Variants in SAMD3 observed in about 807,000 individuals in gnomAD.
The protein encoded by SAMD3 is sterile alpha motif domain-containing protein 3.
In SAMD3, 63 loss-of-function variants were observed where a neutral mutation model predicts 58.5. The ratio of observed to expected loss-of-function variants is 1.08; its 90% CI spans 0.88 to 1.33. The LOEUF is 1.33. SAMD3 is among the 40% of genes most tolerant of loss of function. The pLI, the probability that SAMD3 is intolerant of heterozygous loss-of-function variation, is 0.00. For missense variants in SAMD3, 604 were observed against 608.4 expected, an observed-to-expected ratio of 0.99 and a Z score of 0.08; for synonymous variants, 220 against 210.3, an observed-to-expected ratio of 1.05 and a Z score of -0.40.
intron 8 of SAMD3, among the ~76,000 whole-genome samples, chr6:130,166,274 C>T (rs969437995): frequency 1.3e-5 from 2 of 152,158 alleles, no homozygotes; most frequent in Admixed American, 1.3e-4. Flanking sequence ...TGAGGGACTT[C>T]CCTGACACAG....
At chr6:130,239,970 G>C (rs1773299101) in intron 2 of SAMD3, among the ~76,000 whole-genome samples, 1 of 152,128 alleles carries the variant, frequency 6.6e-6, no homozygotes, top group African/African-American at 2.4e-5. Context: ...TCACATTGCT[G>C]GGCAGCCAAT....
chr6:130,212,451 A>T (rs951225584), intron 4 of SAMD3, among the ~76,000 whole-genome samples: 1 of 152,144 alleles, frequency 6.6e-6, no homozygotes, highest in Non-Finnish European at 1.5e-5. Flanking sequence ...AAACTAGTTA[A>T]CCCAGTTAAC....
chr6:130,246,599 T>C (rs1773554853), intron 2 of SAMD3, among the ~76,000 whole-genome samples: 1 of 152,046 alleles, frequency 6.6e-6, no homozygotes, highest in African/African-American at 2.4e-5. Flanking sequence ...GGAAAGAGCA[T>C]ATACAAATGC....
At chr6:130,194,349 C>T (rs61201007) in intron 5 of SAMD3, among the ~76,000 whole-genome samples, 60,607 of 152,124 alleles carry the variant, frequency 0.4, 12,924 homozygotes, top group African/African-American at 0.5. Context: ...GGTCAAAAGG[C>T]TGTCTTATTC....
intron 9 of SAMD3, among the ~76,000 whole-genome samples, chr6:130,154,200 G>A (rs1789515114): frequency 6.8e-6 from 1 of 147,730 alleles, no homozygotes; most frequent in Non-Finnish European, 1.5e-5. Flanking sequence ...TCTGAAGGCA[G>A]CTGGTGCCTA....
intron 2 of SAMD3, among the ~76,000 whole-genome samples, chr6:130,271,166 G>T (rs1343366012): frequency 6.6e-6 from 1 of 151,722 alleles, no homozygotes; most frequent in Non-Finnish European, 1.5e-5. Flanking sequence ...TACTTGGCTG[G>T]TTTTTGGATT....
At chr6:130,168,495 A>G (rs1400335762) in intron 8 of SAMD3, among the ~76,000 whole-genome samples, 1 of 152,146 alleles carries the variant, frequency 6.6e-6, no homozygotes, top group African/African-American at 2.4e-5. Flanking sequence ...TCTACCTTCA[A>G]TTCTTTGGTA....
intron 2 of SAMD3, among the ~76,000 whole-genome samples, chr6:130,293,504 G>A (rs1775452928): frequency 6.6e-6 from 1 of 151,780 alleles, no homozygotes; most frequent in South Asian, 2.1e-4. Context: ...CTCTTACACA[G>A]ATTACCACCT....
chr6:130,356,122 A>G (rs534695629), intron 1 of SAMD3, among the ~76,000 whole-genome samples: 3 of 152,272 alleles, frequency 2.0e-5, no homozygotes, highest in Non-Finnish European at 2.9e-5. Flanking sequence ...TCACTGTTTT[A>G]AAGTCTTCGT....
chr6:130,328,255 A>T (rs1356192348), intron 1 of SAMD3, among the ~76,000 whole-genome samples: 2 of 152,172 alleles, frequency 1.3e-5, no homozygotes, highest in Admixed American at 6.5e-5. Context: ...GACCTGCTGG[A>T]CCTGGAGCTA....
chr6:130,154,609 G>A (rs1245638529), intron 9 of SAMD3, among the ~76,000 whole-genome samples: 33 of 149,292 alleles, frequency 2.2e-4, no homozygotes, highest in Admixed American at 1.3e-3. Context: ...CAGGAGATTC[G>A]CTTGAACCTG....
rs781612989 is a variant in SAMD3, at chr6:130,168,066, G to GC, written c.822+7774dup. ...GTGGAGGGTTAGGGACAAAAGATCT[G>GC]CCCCCTCTGCTCAGACCTGCAGAAG... On this transcript the variant is annotated intron_variant, in intron 8 of 11. Transcript: ENST00000439090. 3.3e-4 allele frequency among the ~76,000 whole-genome samples: 50 copies of GC among 152,124 alleles called. 1 individual carries two copies. The highest frequency in any genetic ancestry group is 6.2e-4 in the Non-Finnish European group (42 of 68,018).
intron 1 of SAMD3, among the ~76,000 whole-genome samples, chr6:130,354,071 C>G (rs1039801934): frequency 6.6e-6 from 1 of 152,034 alleles, no homozygotes; most frequent in Admixed American, 6.6e-5. Context: ...CATATGAAAA[C>G]AAGCTCAACA....
chr6:130,210,206 T>G (rs1479948723), intron 4 of SAMD3, among the ~76,000 whole-genome samples: 3 of 152,222 alleles, frequency 2.0e-5, no homozygotes, highest in African/African-American at 7.2e-5. Context: ...AAAAAGCAAC[T>G]GCAAATATGC....
chr6:130,223,252 G>T (rs944963342), upstream of SAMD3, among the ~76,000 whole-genome samples: 3 of 152,158 alleles, frequency 2.0e-5, no homozygotes, highest in Admixed American at 6.5e-5. Flanking sequence ...AGGACTCAAA[G>T]CTTTGCATCT....
chr6:130,302,703 C>T (rs1002131998), intron 2 of SAMD3, among the ~76,000 whole-genome samples: 1 of 152,072 alleles, frequency 6.6e-6, no homozygotes, highest in Admixed American at 6.5e-5. Context: ...GTGGGTTCGA[C>T]AAGGAAAATG....
At chr6:130,171,087 C>T (rs1026579601) in intron 8 of SAMD3, among the ~76,000 whole-genome samples, 1 of 149,966 alleles carries the variant, frequency 6.7e-6, no homozygotes, top group Non-Finnish European at 1.5e-5. Context: ...TTTGTCATAA[C>T]TAGCTCTTAT....
At chr6:130,260,897 T>C (rs150915675) in intron 2 of SAMD3, among the ~76,000 whole-genome samples, 18 of 152,346 alleles carry the variant, frequency 1.2e-4, no homozygotes, top group African/African-American at 4.1e-4. Context: ...CTTTGGAACT[T>C]GCCTACTCTG....
At chr6:130,155,759 C>T (rs1789717664) in intron 8 of SAMD3, among the ~76,000 whole-genome samples, 1 of 152,178 alleles carries the variant, frequency 6.6e-6, no homozygotes, top group Non-Finnish European at 1.5e-5. Context: ...GATAAGGAAT[C>T]TACAATCCTC....
Sources: gnomAD v4.1 joint callset for allele counts (sites outside exome capture counted in the v4.1 genomes callset) on GRCh38, gnomAD v4.1.1 for gene constraint, MANE v1.5 for transcripts, NCBI Gene and HGNC (gene_info 2026-07-23, HGNC 2026-07-21) for gene names.